The following RAB8A variants were observed in gnomAD, a reference collection of about 807,000 sequenced individuals.
The protein encoded by RAB8A is RAB8A, member RAS oncogene family.
In RAB8A, 5 loss-of-function variants were observed where a neutral mutation model predicts 29.2. The observed-to-expected ratio is 0.17, with a 90% CI of 0.09 to 0.36. The LOEUF (loss-of-function observed/expected upper bound fraction) is 0.36. RAB8A is among the 10% of genes least tolerant of loss of function. The pLI is 1.00. For missense variants in RAB8A, 171 were observed against 272.2 expected (o/e 0.63, Z 2.62); for synonymous variants, 108 against 99.9 (o/e 1.08, Z -0.49).
intron 2 of RAB8A, 70 bp from the exon 3 acceptor site, chr19:16,121,680 G>A (rs546686078): frequency 2.1e-6 from 3 of 1,429,964 alleles, no homozygotes; most frequent in Admixed American, 1.7e-5. Context: ...CCGGGTAGAT[G>A]CTCCTTGTCT....
intron 1 of RAB8A, among the ~76,000 whole-genome samples, chr19:16,115,538 C>T (rs1450708073): frequency 6.6e-6 from 1 of 152,192 alleles, no homozygotes; most frequent in Admixed American, 6.5e-5. Context: ...CCATTGATTC[C>T]TCCAGTGAAA....
chr19:16,113,690 G>A (rs912853953), intron 1 of RAB8A, among the ~76,000 whole-genome samples: 3 of 152,224 alleles, frequency 2.0e-5, no homozygotes, highest in Non-Finnish European at 4.4e-5. Context: ...ATGAGCCACC[G>A]CACCCAGCGG....
Position 16,122,773 on chromosome 19 carries a change from A to T in RAB8A, c.246+963A>T, listed in dbSNP as rs1030451929. On this transcript the variant is annotated intron_variant, in intron 3 of 7. Transcript: ENST00000300935. This position sits in a 1 kb window ranked among gnomAD's most constrained non-coding sequence, Gnocchi z 4.7. ...TAGAGCATCCCACACGGCATCCGAA[A>T]CCTCATGGCAACCCACTCGTGTGGG... Among the ~76,000 whole-genome samples, 1 of 152,066 alleles carries T rather than the reference A, an allele frequency of 6.6e-6. No individual in the cohort carries two copies. Among genetic ancestry groups the T allele is most frequent in the African/African-American group, 2.4e-5 (1 of 41,386 alleles).
Position 16,132,371 on chromosome 19 carries a change from A to C in RAB8A, c.*67A>C, listed in dbSNP as rs1599401062. 1 of 1,525,394 alleles carries C rather than the reference A, an allele frequency of 6.6e-7. No homozygotes were observed. Among genetic ancestry groups the C allele is most frequent in the Non-Finnish European group, 8.9e-7 (1 of 1,117,572 alleles). 94.5% of individuals were successfully genotyped at this position (1,525,394 alleles called of 1,614,324 possible). A position where few individuals can be genotyped will look rare whatever the true frequency, so the allele number is the denominator to read the frequency against. On this transcript the variant is annotated 3_prime_UTR_variant, in exon 8 of 8. Coordinates refer to ENST00000300935, the MANE Select transcript of RAB8A (RefSeq NM_005370.5). The surrounding 1 kb of genome is among the most constrained non-coding windows in gnomAD (Gnocchi z 5.6). ...TGTGCCTGTTCTGAGTGAGCCCCTCACTCAGCCGGGGCCCTCCCACCTCCA... is the reference window on the plus strand; with the variant it reads ...TGTGCCTGTTCTGAGTGAGCCCCTCCCTCAGCCGGGGCCCTCCCACCTCCA...
In RAB8A at chr19:16,133,119, C is replaced by T. The variant is rs1327560795; in HGVS notation, c.*815C>T. On this transcript the variant is annotated 3_prime_UTR_variant, in exon 8 of 8. Coordinates refer to ENST00000300935, the MANE Select transcript of RAB8A (RefSeq NM_005370.5). ...CCTCCTCTCAGCACCAAAATGGCCC[C>T]CACTCCTTCGTGTCCTCCCGCTATC... The T allele has an allele frequency of 6.6e-6, 1 of 152,424 alleles. No individual in the cohort carries two copies. Among genetic ancestry groups the T allele is most frequent in the Non-Finnish European group, 1.5e-5 (1 of 68,072 alleles). The allele number at this position is 152,424 out of a possible 1,614,324, so 9.4% of individuals were successfully genotyped here.
At position 16,121,844 on chromosome 19, in the gene RAB8A, T is replaced by G. The variant is rs1304409661; in HGVS notation, c.246+34T>G. 3 of 1,580,086 alleles carry G rather than the reference T, an allele frequency of 1.9e-6. No individual in the cohort carries two copies. In the Admixed American group the frequency reaches 5.0e-5, roughly 26 times the overall value. On this transcript the variant is annotated intron_variant, in intron 3 of 7. Coordinates refer to ENST00000300935, the MANE Select transcript of RAB8A (RefSeq NM_005370.5). The stretch of plus-strand genomic sequence containing the variant: ...TTTTTGTTTGGTTGTTTTTATCTGC[T>G]TTTTAAGTCAACATGGGAGCGTCAC...
chr19:16,119,427 A>C (rs1294170149), intron 2 of RAB8A, among the ~76,000 whole-genome samples: 1 of 151,670 alleles, frequency 6.6e-6, no homozygotes, highest in Non-Finnish European at 1.5e-5. Flanking sequence ...CTGGTCTCCA[A>C]CTCCCGACCT....
rs550265021 is a variant in RAB8A, at chr19:16,122,637, G to A, written c.246+827G>A. 3.9e-5 allele frequency among the ~76,000 whole-genome samples: 6 copies of A among 152,176 alleles called. No individual in the cohort carries two copies. In the South Asian group the frequency reaches 6.2e-4, roughly 16 times the overall value. ...TGCCTGTTTCCTCGATGAGGGCAGCGCCACATCCTGGTCCCTGCCATCTGC... is the reference window on the plus strand; with the variant it reads ...TGCCTGTTTCCTCGATGAGGGCAGCACCACATCCTGGTCCCTGCCATCTGC... On this transcript the variant is annotated intron_variant, in intron 3 of 7. Transcript: ENST00000300935. This position sits in a 1 kb window ranked among gnomAD's most constrained non-coding sequence, Gnocchi z 4.7.
intron 2 of RAB8A, among the ~76,000 whole-genome samples, chr19:16,119,132 C>G (rs913887402): frequency 2.0e-5 from 3 of 152,162 alleles, no homozygotes; most frequent in Admixed American, 6.5e-5. Flanking sequence ...AAAGTTTGAC[C>G]GGTCACCCCC....
In RAB8A at chr19:16,127,720, C is replaced by G; in HGVS notation, c.414+194C>G. 1.7e-6 allele frequency: 1 copy of G among 604,638 alleles called. No individual in the cohort carries two copies. The highest frequency in any genetic ancestry group is 4.4e-4 in the Middle Eastern group (1 of 2,252). The allele number at this position is 604,638 out of a possible 1,614,324, so 37.5% of individuals were successfully genotyped here. A position where few individuals can be genotyped will look rare whatever the true frequency, so the allele number is the denominator to read the frequency against. On this transcript the variant is annotated intron_variant, in intron 5 of 7. Coordinates refer to ENST00000300935, the MANE Select transcript of RAB8A (RefSeq NM_005370.5). The surrounding 1 kb of genome is among the most constrained non-coding windows in gnomAD (Gnocchi z 4.8). ...GCACTCTGCGGGCATCTCATCAAAACCTACCATGGCCCCGCTCCAGACTTT... is the reference window on the plus strand; with the variant it reads ...GCACTCTGCGGGCATCTCATCAAAAGCTACCATGGCCCCGCTCCAGACTTT...
chr19:16,121,660 G>A lies in RAB8A; in HGVS notation c.186-90G>A. 4 of 1,211,638 alleles carry A rather than the reference G, an allele frequency of 3.3e-6. 1 individual carries two copies. In the South Asian group the frequency reaches 5.0e-5, roughly 15 times the overall value. The allele number at this position is 1,211,638 out of a possible 1,614,324, so 75.1% of individuals were successfully genotyped here. The stretch of plus-strand genomic sequence containing the variant: ...ATCACAGTGGCTGAACGGTGAGAAA[G>A]CCAGGCATCCCGGGTAGATGCTCCT... On this transcript the variant is annotated intron_variant, in intron 2 of 7. Transcript: ENST00000300935.
At chr19:16,121,397 TC>T (rs1460294225) in intron 2 of RAB8A, among the ~76,000 whole-genome samples, 1 of 152,168 alleles carries the variant, frequency 6.6e-6, no homozygotes, top group Non-Finnish European at 1.5e-5. Context: ...TGAAAGCTTT[TC>T]CTGAGTCCCA....
intron 1 of RAB8A, 29 bp from the exon 2 acceptor site, chr19:16,118,197 T>C: frequency 6.3e-7 from 1 of 1,595,712 alleles, no homozygotes; most frequent in Non-Finnish European, 8.5e-7. Context: ...GGGCTGACAG[T>C]GACGTGCCTT....
intron 1 of RAB8A, chr19:16,112,320 T>G: frequency 5.4e-6 from 2 of 369,804 alleles, no homozygotes. Context: ...TCTCGATCTG[T>G]CCTAGCAGCA....
chr19:16,125,454 T>G lies in RAB8A; in HGVS notation c.247-16T>G, dbSNP rs1599397988. 6.2e-7 allele frequency: 1 copy of G among 1,612,374 alleles called. No homozygotes were observed. The highest frequency in any genetic ancestry group is 1.6e-4 in the Middle Eastern group (1 of 6,062). ...CTGCAGCCGATCAGGCACCTGTGTC[T>G]TCTCTCCCCGCGCAGGGCATCATGC... On this transcript the variant is annotated splice_polypyrimidine_tract_variant and intron_variant, in intron 3 of 7. Transcript: ENST00000300935. This position sits in a 1 kb window ranked among gnomAD's most constrained non-coding sequence, Gnocchi z 5.0.
intron 2 of RAB8A, among the ~76,000 whole-genome samples, chr19:16,119,501 G>C (rs568097318): frequency 6.6e-6 from 1 of 152,104 alleles, no homozygotes; most frequent in African/African-American, 2.4e-5. Context: ...CACCACGCCC[G>C]GCCCTACTGT....
chr19:16,125,579 G>T lies in RAB8A; in HGVS notation c.324+32G>T, dbSNP rs1255148056. On this transcript the variant is annotated intron_variant, in intron 4 of 7. Transcript: ENST00000300935. The surrounding 1 kb of genome is among the most constrained non-coding windows in gnomAD (Gnocchi z 5.0). Reference sequence around the variant, plus strand: ...CCCTCCGGCTCCTCCCACTGTCCCTGCTTCAGTCCTTGTCCCAGAGCCCTC... The same window carrying T: ...CCCTCCGGCTCCTCCCACTGTCCCTTCTTCAGTCCTTGTCCCAGAGCCCTC... The T allele has an allele frequency of 6.3e-7, 1 of 1,580,576 alleles. No individual in the cohort carries two copies. The highest frequency in any genetic ancestry group is 8.7e-7 in the Non-Finnish European group (1 of 1,155,280).
rs2090940248 is a variant in RAB8A at position 16,133,610 on chromosome 19, A to C, written c.*1306A>C. On this transcript the variant is annotated 3_prime_UTR_variant, in exon 8 of 8. Transcript: ENST00000300935. ...ATAAATGCACTTAAGGAAAACAAACAAATTAAAGCTCATCTTAAAGTCCAA... is the reference window on the plus strand; with the variant it reads ...ATAAATGCACTTAAGGAAAACAAACCAATTAAAGCTCATCTTAAAGTCCAA... The C allele has an allele frequency of 6.6e-6, 1 of 152,664 alleles. No homozygotes were observed. Among genetic ancestry groups the C allele is most frequent in the South Asian group, 2.1e-4 (1 of 4,840 alleles). 9.5% of individuals were successfully genotyped at this position (152,664 alleles called of 1,614,324 possible).
rs761667520 is a variant in RAB8A, at chr19:16,122,995, C to A, written c.246+1185C>A. On this transcript the variant is annotated intron_variant, in intron 3 of 7. Transcript: ENST00000300935. The surrounding 1 kb of genome is among the most constrained non-coding windows in gnomAD (Gnocchi z 4.7). The stretch of plus-strand genomic sequence containing the variant: ...CCACCTTCCACCCTGCCCTGACCAC[C>A]AAGCCCTCCCCTGCACCAGGCAGTG... 2.8e-4 allele frequency among the ~76,000 whole-genome samples: 42 copies of A among 152,344 alleles called. No individual in the cohort carries two copies. Among genetic ancestry groups the A allele is most frequent in the South Asian group, 1.7e-3 (8 of 4,832 alleles).
Sources: allele counts gnomAD v4.1 joint callset (sites outside exome capture counted in the v4.1 genomes callset), GRCh38; gene constraint gnomAD v4.1.1; non-coding constraint Gnocchi (gnomAD v3.1); transcripts MANE v1.5; gene names NCBI Gene and HGNC (gene_info 2026-07-23, HGNC 2026-07-21).